Variants in RAB30 observed in about 807,000 individuals in gnomAD.
RAB30 encodes ras-related protein Rab-30.
Under a neutral mutation model 25.1 loss-of-function variants are expected in RAB30, and 9 were observed. The ratio of observed to expected loss-of-function variants is 0.36; its 90% CI spans 0.22 to 0.63. The LOEUF is 0.63. Ranked by LOEUF, RAB30 falls within the 20% of genes least tolerant of loss-of-function variation. The pLI, the probability that RAB30 is intolerant of heterozygous loss-of-function variation, is 0.69. For missense variants in RAB30, 140 were observed against 243.5 expected, an observed-to-expected ratio of 0.58 and a Z score of 2.83; for synonymous variants, 77 against 86.4, an observed-to-expected ratio of 0.89 and a Z score of 0.60.
chr11:83,016,619 A>G (rs1040973437), intron 1 of RAB30, among the ~76,000 whole-genome samples: 3 of 152,234 alleles, frequency 2.0e-5, no homozygotes, highest in African/African-American at 7.2e-5. Flanking sequence ...CTAACAAATA[A>G]CATTGGTAGG....
intron 1 of RAB30, among the ~76,000 whole-genome samples, chr11:83,049,309 G>A (rs553134368): frequency 6.6e-6 from 1 of 152,054 alleles, no homozygotes; most frequent in Non-Finnish European, 1.5e-5. Flanking sequence ...TTCTCGGGAG[G>A]TTGAGGCAGG....
chr11:83,024,284 C>T (rs1857657492), intron 1 of RAB30, among the ~76,000 whole-genome samples: 1 of 152,160 alleles, frequency 6.6e-6, no homozygotes, highest in African/African-American at 2.4e-5. Context: ...CCTTCAGGAC[C>T]AACTTCTTAC....
intron 1 of RAB30, among the ~76,000 whole-genome samples, chr11:83,011,404 G>C (rs1007319940): frequency 1.4e-5 from 2 of 147,354 alleles, no homozygotes; most frequent in Non-Finnish European, 3.1e-5. Flanking sequence ...GCTATCAAGA[G>C]ACCCCACATA....
At chr11:83,063,215 G>T (rs1858622718) in intron 1 of RAB30, among the ~76,000 whole-genome samples, 1 of 152,048 alleles carries the variant, frequency 6.6e-6, no homozygotes, top group South Asian at 2.1e-4. Context: ...CCAAAAATCT[G>T]CCCTTTGATT....
chr11:82,997,187 A>G (rs1433266239), intron 2 of RAB30, 37 bp downstream of exon 2: 1 of 1,540,424 alleles, frequency 6.5e-7, no homozygotes, highest in South Asian at 1.1e-5. Flanking sequence ...GACAAACCCA[A>G]CCCTGGGCTT....
chr11:82,974,327 C>T lies in RAB30; in HGVS notation c.*7838G>A, dbSNP rs894207955. The T allele has an allele frequency of 6.6e-6, 1 of 152,138 alleles. No homozygotes were observed. The highest frequency in any genetic ancestry group is 1.5e-5 in the Non-Finnish European group (1 of 68,006). 9.4% of individuals were successfully genotyped at this position (152,138 alleles called of 1,614,324 possible). ...TCAAGTTTGTATTCCCTCCCCACTT[C>T]CCTTTTTTAATGTTGATTGAATTTT... On this transcript the variant is annotated 3_prime_UTR_variant, in exon 5 of 5. Transcript: ENST00000527633.
intron 1 of RAB30, among the ~76,000 whole-genome samples, chr11:83,053,095 T>C (rs573950475): frequency 2.0e-5 from 3 of 152,084 alleles, no homozygotes; most frequent in African/African-American, 7.2e-5. Flanking sequence ...CTGGGCTCCA[T>C]AGATGGAAGG....
At chr11:83,040,661 T>C (rs2121515157) in intron 1 of RAB30, 1 of 152,316 alleles carries the variant, frequency 6.6e-6, no homozygotes, top group South Asian at 2.1e-4. Context: ...CTTGGATCAC[T>C]CCTAACTTGG....
chr11:83,031,320 A>C (rs1033807391), intron 1 of RAB30, among the ~76,000 whole-genome samples: 1 of 152,182 alleles, frequency 6.6e-6, no homozygotes. Context: ...TTTTCATGTC[A>C]TTGACTTGTT....
At chr11:83,013,189 T>C (rs1268462239) in intron 1 of RAB30, among the ~76,000 whole-genome samples, 1 of 152,172 alleles carries the variant, frequency 6.6e-6, no homozygotes, top group East Asian at 1.9e-4. Flanking sequence ...GTTCAATAAA[T>C]TCTCCTGCCT....
intron 3 of RAB30, among the ~76,000 whole-genome samples, chr11:82,993,232 G>A (rs17503897): frequency 0.011 from 1,624 of 152,284 alleles, 18 homozygotes; most frequent in Middle Eastern, 0.034. Flanking sequence ...TGGCAGAGGA[G>A]ACCCCAGAAA....
intron 1 of RAB30, among the ~76,000 whole-genome samples, chr11:83,027,537 G>A (rs952227574): frequency 2.0e-5 from 3 of 152,084 alleles, no homozygotes; most frequent in African/African-American, 4.8e-5. Flanking sequence ...CCAGATCACC[G>A]TACCGTGAGG....
chr11:83,028,237 T>A (rs914220699), intron 1 of RAB30, among the ~76,000 whole-genome samples: 1 of 152,196 alleles, frequency 6.6e-6, no homozygotes, highest in African/African-American at 2.4e-5. Context: ...AGACTTTTTT[T>A]AAATCTTCAA....
At chr11:83,014,633 A>AAAAAG (rs1412192228) in intron 1 of RAB30, among the ~76,000 whole-genome samples, 7 of 125,730 alleles carry the variant, frequency 5.6e-5, no homozygotes, top group East Asian at 2.3e-4. Flanking sequence ...AAGAAGTAAG[A>AAAAAG]AAAAGAAAGA....
chr11:83,042,554 AAAAAAAACAAAAAC>A (rs1858150888), intron 1 of RAB30, among the ~76,000 whole-genome samples: 1 of 151,902 alleles, frequency 6.6e-6, no homozygotes, highest in African/African-American at 2.4e-5. Context: ...CTCCATCTCC[AAAAAAAACAAAAAC>A]AAAAAAACCC....
Position 82,982,001 on chromosome 11 carries a change from TG to T in RAB30, c.*163del. 1 of 876,798 alleles carries T rather than the reference TG, an allele frequency of 1.1e-6. No individual in the cohort carries two copies. The highest frequency in any genetic ancestry group is 1.8e-6 in the Non-Finnish European group (1 of 570,282). 54.3% of individuals were successfully genotyped at this position (876,798 alleles called of 1,614,324 possible). The stretch of plus-strand genomic sequence containing the variant: ...AAACCATTATATGTTCTGCTAATGC[TG>T]GCCTGTGGTCGAGGCCCTTGGCCTG... On this transcript the variant is annotated 3_prime_UTR_variant, in exon 5 of 5. Transcript: ENST00000527633.
At chr11:83,022,818 T>A (rs1857611565) in intron 1 of RAB30, among the ~76,000 whole-genome samples, 1 of 152,248 alleles carries the variant, frequency 6.6e-6, no homozygotes, top group African/African-American at 2.4e-5. Flanking sequence ...TATCAGATGA[T>A]CATTTTGTTT....
intron 1 of RAB30, among the ~76,000 whole-genome samples, chr11:83,052,406 C>T (rs1858376031): frequency 6.6e-6 from 1 of 152,130 alleles, no homozygotes; most frequent in Admixed American, 6.5e-5. Context: ...CGCTATAGCC[C>T]AAACTATGGA....
intron 1 of RAB30, among the ~76,000 whole-genome samples, chr11:83,019,117 C>G (rs547910386): frequency 1.6e-4 from 24 of 152,296 alleles, no homozygotes; most frequent in Admixed American, 1.2e-3. Context: ...ACATCCACCT[C>G]CCAGGTTCAA....
Sources: allele counts gnomAD v4.1 joint callset (sites outside exome capture counted in the v4.1 genomes callset), GRCh38; gene constraint gnomAD v4.1.1; transcripts MANE v1.5; gene names NCBI Gene and HGNC (gene_info 2026-07-23, HGNC 2026-07-21).